TRIM42: variants seen among roughly 807,000 people sequenced by gnomAD.
The protein encoded by TRIM42 is tripartite motif containing 42.
In TRIM42, 59 loss-of-function variants were observed where a neutral mutation model predicts 64.9. That is an observed-to-expected ratio of 0.91 (90% CI 0.74 to 1.13). The LOEUF (loss-of-function observed/expected upper bound fraction) is 1.13. TRIM42 is among the 50% of genes most tolerant of loss of function. TRIM42 has a pLI of 0.00. For missense variants in TRIM42, 878 were observed against 929.5 expected, an observed-to-expected ratio of 0.94 and a Z score of 0.72; for synonymous variants, 354 against 346.3, an observed-to-expected ratio of 1.02 and a Z score of -0.25.
chr3:140,693,660 T>G (rs1382027216), intron 4 of TRIM42, among the ~76,000 whole-genome samples: 1 of 152,240 alleles, frequency 6.6e-6, no homozygotes, highest in Non-Finnish European at 1.5e-5. Flanking sequence ...CCTGAAAGGT[T>G]TCACTTAAAA....
At chr3:140,690,138 C>T (rs963774360) in intron 3 of TRIM42, among the ~76,000 whole-genome samples, 6 of 152,128 alleles carry the variant, frequency 3.9e-5, no homozygotes, top group Admixed American at 3.9e-4. Context: ...AATCATAGTG[C>T]TTAGCAATGC....
In TRIM42 at chr3:140,678,176, T is replaced by C; in HGVS notation, c.-54T>C. On this transcript the variant is annotated 5_prime_UTR_variant, in exon 1 of 5. Coordinates refer to ENST00000286349, the MANE Select transcript of TRIM42 (RefSeq NM_152616.5). Reference sequence around the variant, plus strand: ...CACTGGAGAACTGATAGCAGTATTCTGGTAGAGGAGGCATCAAGAGTCCTG... The same window carrying C: ...CACTGGAGAACTGATAGCAGTATTCCGGTAGAGGAGGCATCAAGAGTCCTG... The C allele has an allele frequency of 1.4e-6, 2 of 1,462,390 alleles. No individual in the cohort carries two copies. Among genetic ancestry groups the C allele is most frequent in the Admixed American group, 1.7e-5 (1 of 58,044 alleles). 90.6% of individuals were successfully genotyped at this position (1,462,390 alleles called of 1,614,324 possible). A position where few individuals can be genotyped will look rare whatever the true frequency, so the allele number is the denominator to read the frequency against.
rs763116617 is a variant in TRIM42, at chr3:140,687,945, C to T, written c.1263C>T (p.Asn421=). 1.4e-5 allele frequency: 22 copies of T among 1,613,994 alleles called. No individual in the cohort carries two copies. Among genetic ancestry groups the T allele is most frequent in the African/African-American group, 4.0e-5 (3 of 74,908 alleles). The change falls in exon 3 of 5, where the codon AAC becomes AAT. Residue 421 remains asparagine, a synonymous_variant. Coordinates refer to ENST00000286349, the MANE Select transcript of TRIM42 (RefSeq NM_152616.5). Reference sequence around the variant, plus strand: ...TGTATGTTACAACCATGAAAGTGAACGAGATGGATGGTCTGATCGCCTACT... The same window carrying T: ...TGTATGTTACAACCATGAAAGTGAATGAGATGGATGGTCTGATCGCCTACT... ...KYVYVTTMKV[N]EMDGLIAYSK... is the part of the protein sequence containing the mutation.
Position 140,682,464 on chromosome 3 carries a change from C to A in TRIM42, c.344C>A (p.Ser115Tyr), listed in dbSNP as rs1377009975. The A allele has an allele frequency of 6.2e-7, 1 of 1,611,240 alleles. No homozygotes were observed. Among genetic ancestry groups the A allele is most frequent in the East Asian group, 2.2e-5 (1 of 44,826 alleles). Residue 115 changes from serine to tyrosine, a missense_variant and splice_region_variant, in exon 2 of 5, where the codon TCC becomes TAC. By Grantham distance (144) the Ser-to-Tyr change is moderately radical (BLOSUM62 -2). Coordinates refer to ENST00000286349, the MANE Select transcript of TRIM42 (RefSeq NM_152616.5). ...KGRLRSIHTS[S>Y]KTALRTGSSD... Reference sequence around the variant, plus strand: ...CCTGCCTTTGCTTCTCCTTTCAGCTCCAAGACTGCCCTGCGCACTGGGAGC... The same window carrying A: ...CCTGCCTTTGCTTCTCCTTTCAGCTACAAGACTGCCCTGCGCACTGGGAGC...
chr3:140,680,827 C>A, intron 1 of TRIM42: 1 of 391,066 alleles, frequency 2.6e-6, no homozygotes, highest in Non-Finnish European at 3.5e-6. Flanking sequence ...CACTCCATTC[C>A]AATATACTTG....
rs954727391 is a variant in TRIM42, at chr3:140,678,695, A to T, written c.341+125A>T. On this transcript the variant is annotated intron_variant, in intron 1 of 4. Coordinates refer to ENST00000286349, the MANE Select transcript of TRIM42 (RefSeq NM_152616.5). ...GTTCATTTCTTTATCTAAAAGGAGG[A>T]GCCAAGAATTTTGTAGCAATTAATT... 1.3e-5 allele frequency: 10 copies of T among 769,432 alleles called. No individual in the cohort carries two copies. The East Asian group carries it at 1.6e-4, about 12-fold the overall frequency. The allele number at this position is 769,432 out of a possible 1,614,324, so 47.7% of individuals were successfully genotyped here. A position where few individuals can be genotyped will look rare whatever the true frequency, so the allele number is the denominator to read the frequency against.
intron 4 of TRIM42, among the ~76,000 whole-genome samples, chr3:140,698,937 T>A (rs1010970279): frequency 2.0e-5 from 3 of 152,338 alleles, no homozygotes; most frequent in Admixed American, 2.0e-4. Flanking sequence ...TTAGTAGATA[T>A]CCTTGTCTTA....
chr3:140,684,883 T>C (rs1055305119), intron 2 of TRIM42, among the ~76,000 whole-genome samples: 1 of 152,112 alleles, frequency 6.6e-6, no homozygotes, highest in Non-Finnish European at 1.5e-5. Context: ...CATCCCTCTG[T>C]AGAGAACCTC....
At chr3:140,679,188 C>T (rs1384713115) in intron 1 of TRIM42, among the ~76,000 whole-genome samples, 2 of 152,114 alleles carry the variant, frequency 1.3e-5, no homozygotes, top group Non-Finnish European at 2.9e-5. Flanking sequence ...AAAGAAAGAA[C>T]TTCTATGGGG....
intron 1 of TRIM42, among the ~76,000 whole-genome samples, chr3:140,678,835 A>G (rs1411955862): frequency 6.6e-6 from 1 of 152,220 alleles, no homozygotes; most frequent in Non-Finnish European, 1.5e-5. Flanking sequence ...TGTACAAAAC[A>G]GTAATAGCTA....
chr3:140,693,462 T>G (rs1988772989), intron 4 of TRIM42, among the ~76,000 whole-genome samples: 1 of 152,228 alleles, frequency 6.6e-6, no homozygotes, highest in Non-Finnish European at 1.5e-5. Flanking sequence ...TGTGGTTATA[T>G]TAGCATTCCA....
At chr3:140,684,703 T>C (rs974610563) in intron 2 of TRIM42, among the ~76,000 whole-genome samples, 1 of 152,188 alleles carries the variant, frequency 6.6e-6, no homozygotes, top group Non-Finnish European at 1.5e-5. Context: ...GAAGACTTCA[T>C]ATTAAAGGAA....
Position 140,691,014 on chromosome 3 carries a change from A to T in TRIM42, c.1907A>T (p.Glu636Val). ...PAEDVDSFEM[E>V]FYEVITSPPN... ...GAAGACGTGGACTCTTTTGAGATGGAATTCTATGAAGTCATTACTTCTCCT... is the reference window on the plus strand; with the variant it reads ...GAAGACGTGGACTCTTTTGAGATGGTATTCTATGAAGTCATTACTTCTCCT... The change falls in exon 4 of 5, where the codon GAA becomes GTA. Residue 636 changes from glutamate (E) to valine (V), a missense_variant. By Grantham distance (121) the Glu-to-Val change is moderately radical. Coordinates refer to ENST00000286349, the MANE Select transcript of TRIM42 (RefSeq NM_152616.5). 1 of 1,614,084 alleles carries T rather than the reference A, an allele frequency of 6.2e-7. No homozygotes were observed.
rs1342395790 is a variant in TRIM42 at position 140,681,417 on chromosome 3, T to A, written c.342-1045T>A. On this transcript the variant is annotated intron_variant, in intron 1 of 4. Transcript: ENST00000286349. ...ACAAAGCAAGTAGTACTGTGAGCTTTGACTTATAGTTGAGAAAACTGAACA... is the reference window on the plus strand; with the variant it reads ...ACAAAGCAAGTAGTACTGTGAGCTTAGACTTATAGTTGAGAAAACTGAACA... Among the ~76,000 whole-genome samples the A allele has an allele frequency of 1.3e-5, 2 of 152,236 alleles. 1 individual carries two copies. The highest frequency in any genetic ancestry group is 4.8e-5 in the African/African-American group (2 of 41,470).
chr3:140,690,927 T>C, intron 3 of TRIM42, 41 bp from the exon 4 acceptor site: 5 of 1,472,086 alleles, frequency 3.4e-6, no homozygotes, highest in Non-Finnish European at 4.8e-6. Flanking sequence ...AGCTGAATGA[T>C]GTATACTAGT....
chr3:140,678,834 CA>C (rs1453171315), intron 1 of TRIM42, among the ~76,000 whole-genome samples: 1 of 152,194 alleles, frequency 6.6e-6, no homozygotes, highest in Non-Finnish European at 1.5e-5. Context: ...CTGTACAAAA[CA>C]GTAATAGCTA....
At chr3:140,680,530 T>G (rs760062702) in intron 1 of TRIM42, 14 of 209,182 alleles carry the variant, frequency 6.7e-5, no homozygotes, top group Non-Finnish European at 1.2e-4. Context: ...AGCTTCCTAG[T>G]AGAGATACCT....
chr3:140,688,118 T>C lies in TRIM42; in HGVS notation c.1436T>C (p.Phe479Ser). ...TCAATAAACTACGTGCCCTTGGACT[T>C]TGTTGAGCTTTCCAGTGCCATCCAT... ...LHSINYVPLD[F>S]VELSSAIHEL... is the part of the protein sequence containing the mutation. The change falls in exon 3 of 5, where the codon TTT becomes TCT. Residue 479 changes from phenylalanine (F) to serine (S), a missense_variant. Physicochemically the swap from Phe to Ser is radical, Grantham distance 155 (BLOSUM62 -2). Transcript: ENST00000286349. The C allele has an allele frequency of 1.2e-6, 2 of 1,613,960 alleles. No homozygotes were observed. The highest frequency in any genetic ancestry group is 1.3e-5 in the African/African-American group (1 of 75,006).
chr3:140,696,291 CTTTG>C (rs1013770397), intron 4 of TRIM42, among the ~76,000 whole-genome samples: 1 of 151,912 alleles, frequency 6.6e-6, no homozygotes, highest in Non-Finnish European at 1.5e-5. Context: ...ACATATCTTA[CTTTG>C]TTTCTTACCT....
Sources: gnomAD v4.1 joint callset for allele counts (sites outside exome capture counted in the v4.1 genomes callset) on GRCh38, gnomAD v4.1.1 for gene constraint, MANE v1.5 for transcripts, NCBI Gene and HGNC (gene_info 2026-07-23, HGNC 2026-07-21) for gene names.